PARD3: variants seen among roughly 807,000 people sequenced by gnomAD.
PARD3 encodes the protein partitioning defective 3 homolog.
A neutral mutation model predicts 155.4 loss-of-function variants in PARD3; 75 were observed. The ratio of observed to expected loss-of-function variants is 0.48; its 90% CI spans 0.40 to 0.58. The LOEUF is 0.58. Among genes scored for constraint, PARD3 ranks in the 20% least tolerant of loss-of-function variants. The probability of loss-of-function intolerance (pLI) is 0.00; values close to 1 mark genes in which losing one functional copy is unlikely to be tolerated. For synonymous variants in PARD3, 576 were observed against 610.5 expected (o/e 0.94, Z 0.83); for missense variants, 1,642 against 1,721.7 (o/e 0.95, Z 0.82).
intron 20 of PARD3, among the ~76,000 whole-genome samples, chr10:34,306,716 G>A (rs1006042187): frequency 6.6e-6 from 1 of 152,114 alleles, no homozygotes; most frequent in African/African-American, 2.4e-5. Flanking sequence ...GCTGCTCTTT[G>A]GGGACTGTGT....
At chr10:34,438,290 G>T (rs948663998) in intron 5 of PARD3, among the ~76,000 whole-genome samples, 2 of 152,148 alleles carry the variant, frequency 1.3e-5, no homozygotes, top group African/African-American at 4.8e-5. Context: ...TACTTTGAGA[G>T]AACTTACATT....
intron 5 of PARD3, among the ~76,000 whole-genome samples, chr10:34,429,778 G>A (rs551599736): frequency 2.6e-5 from 4 of 152,228 alleles, no homozygotes; most frequent in Admixed American, 2.0e-4. Flanking sequence ...GTAGAGACAC[G>A]GTTTCACTAT....
chr10:34,421,995 A>G lies in PARD3; in HGVS notation c.715-20078T>C, dbSNP rs111815330. ...AAGGACCCAGGAGAATTAAGCAAGAAGATATCTGGGTAAAGCAATTTCCAG... is the reference window on the plus strand; with the variant it reads ...AAGGACCCAGGAGAATTAAGCAAGAGGATATCTGGGTAAAGCAATTTCCAG... On this transcript the variant is annotated intron_variant, in intron 5 of 24. Coordinates refer to ENST00000374788, the MANE Select transcript of PARD3 (RefSeq NM_001184785.2). 6.7e-4 allele frequency among the ~76,000 whole-genome samples: 102 copies of G among 152,228 alleles called. 1 individual carries two copies. The highest frequency in any genetic ancestry group is 6.4e-3 in the South Asian group (31 of 4,822).
intron 15 of PARD3, chr10:34,344,268 T>G (rs1837145517): frequency 1.0e-5 from 10 of 975,406 alleles, no homozygotes; most frequent in Non-Finnish European, 1.1e-5. Context: ...TTTTGTTTGT[T>G]TGTTTGTTTT....
At chr10:34,524,455 T>C (rs191425690) in intron 2 of PARD3, among the ~76,000 whole-genome samples, 50 of 152,350 alleles carry the variant, frequency 3.3e-4, no homozygotes, top group Admixed American at 1.4e-3. Context: ...TTTAATTCTG[T>C]TGTCCCTCAG....
At chr10:34,390,804 A>T (rs1010954048) in intron 7 of PARD3, among the ~76,000 whole-genome samples, 2 of 152,248 alleles carry the variant, frequency 1.3e-5, no homozygotes, top group Non-Finnish European at 2.9e-5. Flanking sequence ...AAAGGGTATA[A>T]CAAACAATAT....
At chr10:34,581,779 G>C (rs1451238585) in intron 2 of PARD3, among the ~76,000 whole-genome samples, 1 of 152,174 alleles carries the variant, frequency 6.6e-6, no homozygotes. Flanking sequence ...TGGAGGGGCT[G>C]TGAGAGGCAG....
intron 21 of PARD3, among the ~76,000 whole-genome samples, chr10:34,282,043 A>G (rs1185614723): frequency 6.6e-6 from 1 of 150,966 alleles, no homozygotes; most frequent in East Asian, 1.9e-4. Flanking sequence ...GAACACTGCC[A>G]ATACCACAGA....
At chr10:34,472,281 A>G (rs1468037162) in intron 3 of PARD3, among the ~76,000 whole-genome samples, 1 of 152,170 alleles carries the variant, frequency 6.6e-6, no homozygotes, top group East Asian at 1.9e-4. Flanking sequence ...AACATTCATG[A>G]CAACCTTTGC....
At chr10:34,206,796 A>T (rs1951500704) in intron 22 of PARD3, among the ~76,000 whole-genome samples, 1 of 152,230 alleles carries the variant, frequency 6.6e-6, no homozygotes, top group Non-Finnish European at 1.5e-5. Context: ...TGGTAAACCA[A>T]CATGGCACTG....
At chr10:34,495,857 C>T (rs931975050) in intron 3 of PARD3, among the ~76,000 whole-genome samples, 1 of 149,220 alleles carries the variant, frequency 6.7e-6, no homozygotes, top group Admixed American at 6.7e-5. Context: ...AAACAGTAAA[C>T]ATGAACCGTG....
At chr10:34,734,443 C>G (rs868644372) in intron 1 of PARD3, among the ~76,000 whole-genome samples, 1 of 147,100 alleles carries the variant, frequency 6.8e-6, no homozygotes, top group Non-Finnish European at 1.5e-5. Flanking sequence ...TCACGCCATT[C>G]TCCTGCTTCA....
At chr10:34,452,999 T>A (rs1048196948) in intron 4 of PARD3, among the ~76,000 whole-genome samples, 10 of 152,202 alleles carry the variant, frequency 6.6e-5, no homozygotes, top group Non-Finnish European at 1.3e-4. Context: ...AGTGGCCTTC[T>A]AACTGGACAC....
chr10:34,623,617 G>C (rs2132733408), intron 2 of PARD3, among the ~76,000 whole-genome samples: 1 of 152,188 alleles, frequency 6.6e-6, no homozygotes, highest in South Asian at 2.1e-4. Context: ...CTCAGCAAAA[G>C]TAACAAACCA....
chr10:34,113,543 G>A (rs1419068210), intron 24 of PARD3, among the ~76,000 whole-genome samples: 4 of 151,368 alleles, frequency 2.6e-5, no homozygotes, highest in Admixed American at 6.6e-5. Flanking sequence ...ACACACATGC[G>A]CACACACACA....
intron 1 of PARD3, among the ~76,000 whole-genome samples, chr10:34,798,982 A>G (rs1016391221): frequency 3.3e-5 from 5 of 152,022 alleles, no homozygotes; most frequent in Non-Finnish European, 7.4e-5. Flanking sequence ...TGACCCAGAG[A>G]CCTCACCCCC....
rs573521933 is a variant in PARD3 at position 34,751,721 on chromosome 10, A to G, written c.121-55302T>C. ...CAGGCTCAAGCAATCCCCCCACTTC[A>G]GCCCCTCAAGTAGCTGGGACCACAT... On this transcript the variant is annotated intron_variant, in intron 1 of 24. Coordinates refer to ENST00000374788, the MANE Select transcript of PARD3 (RefSeq NM_001184785.2). Among the ~76,000 whole-genome samples the G allele has an allele frequency of 6.0e-5, 9 of 150,326 alleles. No homozygotes were observed. In the South Asian group the frequency reaches 1.3e-3, roughly 21 times the overall value.
chr10:34,567,895 A>G (rs1337176679), intron 2 of PARD3, among the ~76,000 whole-genome samples: 1 of 152,228 alleles, frequency 6.6e-6, no homozygotes, highest in Non-Finnish European at 1.5e-5. Context: ...TGTAGGCTCT[A>G]GCTAGCAAGC....
chr10:34,516,956 G>C, intron 3 of PARD3, 23 bp downstream of exon 3: 1 of 1,603,002 alleles, frequency 6.2e-7, no homozygotes, highest in Non-Finnish European at 8.5e-7. Context: ...TGAAATGGAA[G>C]AGAAGAAAGA....
Sources: gnomAD v4.1 joint callset for allele counts (sites outside exome capture counted in the v4.1 genomes callset) on GRCh38, gnomAD v4.1.1 for gene constraint, MANE v1.5 for transcripts, NCBI Gene and HGNC (gene_info 2026-07-23, HGNC 2026-07-21) for gene names.